Variants in NEDD4L observed in about 807,000 individuals in gnomAD.
NEDD4L encodes the protein E3 ubiquitin-protein ligase NEDD4-like.
NEDD4L carries 54 observed loss-of-function variants against 148.9 expected under a neutral mutation model. The observed-to-expected ratio is 0.36, with a 90% CI of 0.29 to 0.45. NEDD4L has a LOEUF of 0.45. Among genes scored for constraint, NEDD4L ranks in the 20% least tolerant of loss-of-function variants. NEDD4L has a pLI of 1.00. For synonymous variants in NEDD4L, 433 were observed against 440.7 expected, an observed-to-expected ratio of 0.98 and a Z score of 0.22; for missense variants, 856 against 1,233.8, an observed-to-expected ratio of 0.69 and a Z score of 4.59.
intron 5 of NEDD4L, among the ~76,000 whole-genome samples, chr18:58,277,677 T>C (rs950674789): frequency 1.3e-5 from 2 of 152,200 alleles, no homozygotes. Flanking sequence ...CTGAAATTTA[T>C]TTTTATTATT....
chr18:58,076,889 C>T (rs1401213352), intron 1 of NEDD4L, among the ~76,000 whole-genome samples: 2 of 141,666 alleles, frequency 1.4e-5, no homozygotes. Context: ...CTTGCTGTGT[C>T]ACCCAGGCTG....
intron 3 of NEDD4L, among the ~76,000 whole-genome samples, chr18:58,246,405 CCTAAT>C (rs991384928): frequency 2.3e-4 from 35 of 152,030 alleles, no homozygotes; most frequent in Non-Finnish European, 3.8e-4. Flanking sequence ...ATCTTATTTT[CCTAAT>C]TTTTATGTAC....
At chr18:58,221,179 A>G (rs900974991) in intron 2 of NEDD4L, among the ~76,000 whole-genome samples, 110 of 152,214 alleles carry the variant, frequency 7.2e-4, no homozygotes, top group Non-Finnish European at 1.1e-3. Context: ...CCAGAACCTC[A>G]GAATGTAGAA....
chr18:58,245,104 C>T (rs1030560713), intron 2 of NEDD4L, among the ~76,000 whole-genome samples: 1 of 152,160 alleles, frequency 6.6e-6, no homozygotes, highest in Non-Finnish European at 1.5e-5. Context: ...TGGATAAGAC[C>T]TAAACCAAAT....
intron 2 of NEDD4L, among the ~76,000 whole-genome samples, chr18:58,225,164 G>C (rs1317161775): frequency 1.3e-5 from 2 of 152,132 alleles, no homozygotes; most frequent in Non-Finnish European, 2.9e-5. Context: ...GAGAAGACAA[G>C]ACACAGTCAG....
At chr18:58,186,715 G>A (rs568086275) in intron 2 of NEDD4L, among the ~76,000 whole-genome samples, 1 of 152,232 alleles carries the variant, frequency 6.6e-6, no homozygotes, top group Admixed American at 6.5e-5. Flanking sequence ...AGTCACAGCA[G>A]ACTTAAGTGC....
Position 58,397,862 on chromosome 18 carries a change from A to G in NEDD4L, c.*1593A>G, listed in dbSNP as rs2050594378. 6.6e-6 allele frequency: 1 copy of G among 152,616 alleles called. No homozygotes were observed. Among genetic ancestry groups the G allele is most frequent in the Non-Finnish European group, 1.5e-5 (1 of 68,040 alleles). 9.5% of individuals were successfully genotyped at this position (152,616 alleles called of 1,614,324 possible). A position where few individuals can be genotyped will look rare whatever the true frequency, so the allele number is the denominator to read the frequency against. On this transcript the variant is annotated 3_prime_UTR_variant, in exon 31 of 31. Transcript: ENST00000400345. ...GACCCTGTCGGGGCAGTCAGGGGAC[A>G]CTAGAGATTTGATCTCATGCGAGTC...
chr18:58,281,256 GTGTAAGCTGC>G (rs914835233), intron 5 of NEDD4L, among the ~76,000 whole-genome samples: 27 of 151,658 alleles, frequency 1.8e-4, no homozygotes, highest in East Asian at 3.9e-4. Flanking sequence ...GGGATTACAA[GTGTAAGCTGC>G]TGTAAGCTGC....
At chr18:58,112,539 A>T (rs918809354) in intron 1 of NEDD4L, among the ~76,000 whole-genome samples, 2 of 152,042 alleles carry the variant, frequency 1.3e-5, no homozygotes, top group African/African-American at 4.8e-5. Context: ...CCTAGGCTGG[A>T]GTGCAGTGGT....
intron 17 of NEDD4L, 133 bp from the exon 18 acceptor site, chr18:58,350,858 A>G: frequency 1.6e-6 from 1 of 628,372 alleles, no homozygotes. Flanking sequence ...TATTTAGTTC[A>G]CGCTCAATGC....
chr18:58,140,224 G>A (rs1039881642), intron 1 of NEDD4L, among the ~76,000 whole-genome samples: 2 of 152,156 alleles, frequency 1.3e-5, no homozygotes, highest in Non-Finnish European at 2.9e-5. Context: ...GCTGGGGAGT[G>A]TATACCTGGG....
intron 2 of NEDD4L, among the ~76,000 whole-genome samples, chr18:58,244,355 C>A (rs1433757402): frequency 1.3e-5 from 2 of 152,132 alleles, no homozygotes; most frequent in East Asian, 1.9e-4. Context: ...AAAATAAATT[C>A]TTCTATACCC....
At chr18:58,187,585 T>C (rs1245977056) in intron 2 of NEDD4L, among the ~76,000 whole-genome samples, 1 of 152,200 alleles carries the variant, frequency 6.6e-6, no homozygotes, top group Admixed American at 6.5e-5. Flanking sequence ...AAATAGGACT[T>C]TTTTTGTTTC....
Position 58,329,063 on chromosome 18 carries a change from G to A in NEDD4L, c.749G>A (p.Arg250His), listed in dbSNP as rs1383247620. ...INQEAAHRRFRSRRHISEDLE... is the reference protein window; with the variant it reads ...INQEAAHRRFHSRRHISEDLE... ...CAGGAGGCAGCACACCGGCGCTTCC[G>A]CTCCCGCAGGCACATCAGCGAAGAC... The change falls in exon 10 of 31, where the codon CGC becomes CAC. Residue 250 changes from arginine (R) to histidine (H), a missense_variant. By Grantham distance (29) the Arg-to-His change is conservative. Transcript: ENST00000400345. 1.2e-5 allele frequency: 20 copies of A among 1,613,882 alleles called. No homozygotes were observed. The highest frequency in any genetic ancestry group is 2.2e-5 in the East Asian group (1 of 44,890).
chr18:58,246,069 C>T (rs1351596327), intron 3 of NEDD4L, among the ~76,000 whole-genome samples: 2 of 151,918 alleles, frequency 1.3e-5, no homozygotes, highest in Non-Finnish European at 2.9e-5. Context: ...TTTTCCAAGA[C>T]TTTTCAGTAC....
intron 29 of NEDD4L, 82 bp from the exon 30 acceptor site, chr18:58,391,405 A>G: frequency 9.0e-7 from 1 of 1,112,620 alleles, no homozygotes; most frequent in South Asian, 1.3e-5. Flanking sequence ...CTGCCCTGAC[A>G]GTAGCTGGAC....
At chr18:58,385,651 C>G in intron 26 of NEDD4L, 65 bp downstream of exon 26, 1 of 1,326,752 alleles carries the variant, frequency 7.5e-7, no homozygotes, top group Non-Finnish European at 1.1e-6. Context: ...GGGGATCGCG[C>G]TTCTCCTTTA....
chr18:58,203,923 A>G (rs907418509), intron 2 of NEDD4L, among the ~76,000 whole-genome samples: 4 of 152,338 alleles, frequency 2.6e-5, no homozygotes, highest in African/African-American at 9.6e-5. Context: ...CCCTGGTTTT[A>G]GAGAACCCAG....
chr18:58,263,415 G>C (rs561686349), intron 5 of NEDD4L, among the ~76,000 whole-genome samples: 1 of 152,182 alleles, frequency 6.6e-6, no homozygotes, highest in East Asian at 1.9e-4. Flanking sequence ...GAGCCTACTT[G>C]CAACCCACAT....
Sources: allele counts gnomAD v4.1 joint callset (sites outside exome capture counted in the v4.1 genomes callset), GRCh38; gene constraint gnomAD v4.1.1; transcripts MANE v1.5; gene names NCBI Gene and HGNC (gene_info 2026-07-23, HGNC 2026-07-21).